HPSE2: variants seen among roughly 807,000 people sequenced by gnomAD.
HPSE2 encodes the protein heparanase 2 (inactive).
A neutral mutation model predicts 60.5 loss-of-function variants in HPSE2; 38 were observed. The ratio of observed to expected loss-of-function variants is 0.63; its 90% CI spans 0.48 to 0.82. The LOEUF (loss-of-function observed/expected upper bound fraction) is 0.82. Ranked by LOEUF, HPSE2 falls within the 40% of genes least tolerant of loss-of-function variation. The pLI, the probability that HPSE2 is intolerant of heterozygous loss-of-function variation, is 0.00. For missense variants in HPSE2, 713 were observed against 740.4 expected, an observed-to-expected ratio of 0.96 and a Z score of 0.43; for synonymous variants, 295 against 293.2, an observed-to-expected ratio of 1.01 and a Z score of -0.06.
the HPSE2 span, among the ~76,000 whole-genome samples, chr10:99,276,544 C>T: frequency 6.6e-6 from 1 of 152,142 alleles, no homozygotes; most frequent in African/African-American, 2.4e-5. Flanking sequence ...TAACCTCATA[C>T]GAATTATATT....
chr10:98,616,541 G>C (rs1316332371), intron 8 of HPSE2, among the ~76,000 whole-genome samples: 1 of 152,072 alleles, frequency 6.6e-6, no homozygotes, highest in Non-Finnish European at 1.5e-5. Context: ...CTGGAATAAA[G>C]AGCACTGCTA....
At chr10:99,153,611 T>C (rs1846384253) in intron 2 of HPSE2, among the ~76,000 whole-genome samples, 1 of 151,812 alleles carries the variant, frequency 6.6e-6, no homozygotes, top group South Asian at 2.1e-4. Context: ...TACATCACCA[T>C]CATCAAAGAC....
intron 5 of HPSE2, among the ~76,000 whole-genome samples, chr10:98,704,930 G>A (rs1243490079): frequency 6.6e-6 from 1 of 152,102 alleles, no homozygotes; most frequent in Non-Finnish European, 1.5e-5. Context: ...TAAACTAAGA[G>A]CTTCTGCCCA....
intron 3 of HPSE2, among the ~76,000 whole-genome samples, chr10:98,789,990 A>C (rs1035889879): frequency 1.3e-5 from 2 of 152,154 alleles, no homozygotes; most frequent in African/African-American, 4.8e-5. Context: ...TGTCAGCTCT[A>C]CTAAAGGCTG....
At chr10:99,297,637 ATAACGAGACACT>A in the HPSE2 span, among the ~76,000 whole-genome samples, 1 of 152,264 alleles carries the variant, frequency 6.6e-6, no homozygotes, top group African/African-American at 2.4e-5. Flanking sequence ...GTGGGTAATT[ATAACGAGACACT>A]TGATTGTGAG....
At chr10:98,627,460 T>G (rs1247926309) in intron 7 of HPSE2, among the ~76,000 whole-genome samples, 1 of 152,176 alleles carries the variant, frequency 6.6e-6, no homozygotes, top group Non-Finnish European at 1.5e-5. Flanking sequence ...ATAAAAAAGT[T>G]AATCAGAATT....
intron 3 of HPSE2, among the ~76,000 whole-genome samples, chr10:99,063,509 A>G (rs1842514941): frequency 6.6e-6 from 1 of 152,194 alleles, no homozygotes; most frequent in South Asian, 2.1e-4. Flanking sequence ...GGATACTCAC[A>G]TTCACAGTTG....
intron 9 of HPSE2, among the ~76,000 whole-genome samples, chr10:98,508,654 A>G (rs973457623): frequency 6.6e-6 from 1 of 152,202 alleles, no homozygotes; most frequent in Non-Finnish European, 1.5e-5. Flanking sequence ...AGATGTGACC[A>G]TGTCTGAGGG....
In HPSE2 at chr10:98,877,135, G is replaced by A. The variant is rs113397938; in HGVS notation, c.611-133079C>T. Among the ~76,000 whole-genome samples, 213 of 151,782 alleles carry A rather than the reference G, an allele frequency of 1.4e-3. 1 individual carries two copies. Among genetic ancestry groups the A allele is most frequent in the Non-Finnish European group, 2.6e-3 (178 of 67,800 alleles). On this transcript the variant is annotated intron_variant, in intron 3 of 11. Coordinates refer to ENST00000370552, the MANE Select transcript of HPSE2 (RefSeq NM_021828.5). ...TTTAGAAAATGAATGAGCGTCCTTC[G>A]TTCTATTATAAAACGAAATTTATTT...
intron 7 of HPSE2, among the ~76,000 whole-genome samples, chr10:98,622,726 G>A (rs534000956): frequency 2.8e-4 from 42 of 152,094 alleles, no homozygotes; most frequent in Non-Finnish European, 5.3e-4. Context: ...GAGAATTAAC[G>A]GTGGTGGTCA....
intron 3 of HPSE2, among the ~76,000 whole-genome samples, chr10:99,014,176 T>G (rs541432961): frequency 6.6e-6 from 1 of 152,334 alleles, no homozygotes; most frequent in South Asian, 2.1e-4. Context: ...TCGTGGACAT[T>G]GCCACCAAGT....
At chr10:98,520,858 T>C (rs573327877) in intron 9 of HPSE2, among the ~76,000 whole-genome samples, 1 of 152,244 alleles carries the variant, frequency 6.6e-6, no homozygotes, top group Admixed American at 6.5e-5. Flanking sequence ...CATCTGATCT[T>C]TGACAAACCT....
intron 4 of HPSE2, among the ~76,000 whole-genome samples, chr10:98,723,312 GC>G (rs1244560281): frequency 6.6e-6 from 1 of 152,142 alleles, no homozygotes; most frequent in African/African-American, 2.4e-5. Context: ...CAGGGATGAA[GC>G]CCACTTGATC....
chr10:98,553,366 G>A (rs1943914424), intron 9 of HPSE2, among the ~76,000 whole-genome samples: 1 of 152,134 alleles, frequency 6.6e-6, no homozygotes, highest in Admixed American at 6.5e-5. Flanking sequence ...AGTTTGCGCT[G>A]TTCTTTCTCT....
chr10:98,966,916 A>C (rs377736534), intron 3 of HPSE2, among the ~76,000 whole-genome samples: 7 of 152,290 alleles, frequency 4.6e-5, no homozygotes, highest in African/African-American at 1.7e-4. Context: ...AAATATATCA[A>C]AAAGATTTTT....
chr10:99,305,965 G>GCACACACACA, the HPSE2 span, among the ~76,000 whole-genome samples: 4 of 63,990 alleles, frequency 6.3e-5, 1 homozygote. Context: ...ACACACACGC[G>GCACACACACA]CGCGCGCGCG....
intron 7 of HPSE2, among the ~76,000 whole-genome samples, chr10:98,624,157 G>A (rs1946145297): frequency 6.6e-6 from 1 of 151,550 alleles, no homozygotes; most frequent in Admixed American, 6.6e-5. Context: ...TTTAGTCAAG[G>A]GAAGGAGAAT....
chr10:99,297,260 C>T, the HPSE2 span, among the ~76,000 whole-genome samples: 1 of 152,160 alleles, frequency 6.6e-6, no homozygotes, highest in Non-Finnish European at 1.5e-5. Context: ...GGGTTACCAC[C>T]CATGCAAGCC....
intron 2 of HPSE2, among the ~76,000 whole-genome samples, chr10:99,197,824 G>A (rs1848452293): frequency 6.6e-6 from 1 of 152,270 alleles, no homozygotes; most frequent in East Asian, 1.9e-4. Context: ...ACTTTGGGAG[G>A]CCAAAGCAGG....
Sources: allele counts gnomAD v4.1 joint callset (sites outside exome capture counted in the v4.1 genomes callset), GRCh38; gene constraint gnomAD v4.1.1; transcripts MANE v1.5; gene names NCBI Gene and HGNC (gene_info 2026-07-23, HGNC 2026-07-21).